DYSF: variants seen among roughly 807,000 people sequenced by gnomAD.
The protein encoded by DYSF is dystrophy-associated fer-1-like 1.
A neutral mutation model predicts 274.9 loss-of-function variants in DYSF; 212 were observed. The observed-to-expected ratio is 0.77, with a 90% CI of 0.69 to 0.86. DYSF has a LOEUF of 0.86. Among genes scored for constraint, DYSF ranks in the 40% least tolerant of loss-of-function variants. The pLI, the probability that DYSF is intolerant of heterozygous loss-of-function variation, is 0.00. For missense variants in DYSF, 2,666 were observed against 2,783.2 expected, an observed-to-expected ratio of 0.96 and a Z score of 0.95; for synonymous variants, 1,091 against 1,078.7, an observed-to-expected ratio of 1.01 and a Z score of -0.22.
intron 36 of DYSF, among the ~76,000 whole-genome samples, chr2:71,603,089 C>A (rs1184136491): frequency 4.6e-5 from 7 of 152,118 alleles, no homozygotes; most frequent in Admixed American, 2.6e-4. Flanking sequence ...GATTAAGTAC[C>A]AGGTGGCACA....
intron 22 of DYSF, among the ~76,000 whole-genome samples, chr2:71,557,103 G>A (rs974267478): frequency 6.6e-6 from 1 of 152,194 alleles, no homozygotes; most frequent in Non-Finnish European, 1.5e-5. Context: ...CCTGAAGCCT[G>A]GCAGGCTCAG....
chr2:71,555,978 A>G lies in DYSF; in HGVS notation c.2123A>G (p.Glu708Gly). The change falls in exon 22 of 56, where the codon GAG (glutamate) becomes GGG (glycine). Residue 708 changes from glutamate to glycine, a missense_variant. Around this residue, in one of 3 missense-constraint regions of DYSF, gnomAD observed 412 missense variants for 504.0 expected, o/e 0.82. Transcript: ENST00000410020. ...CCCATTCCACAGGAAGCTGGCCTGG[A>G]GCAGGTCCACCTGGCCCTGAAGGCG... ...GIADRLEAGL[E>G]QVHLALKAQC... 2 of 1,563,028 alleles carry G rather than the reference A, an allele frequency of 1.3e-6. No homozygotes were observed. Among genetic ancestry groups the G allele is most frequent in the Non-Finnish European group, 1.7e-6 (2 of 1,153,224 alleles).
chr2:71,572,206 ACCC>A (rs1184439226), intron 29 of DYSF, among the ~76,000 whole-genome samples: 4 of 128,620 alleles, frequency 3.1e-5, no homozygotes, highest in African/African-American at 6.6e-5. Context: ...CATCCAGCAC[ACCC>A]AGCACAGATC....
At chr2:71,651,354 C>T (rs2094656390) in intron 42 of DYSF, among the ~76,000 whole-genome samples, 1 of 151,956 alleles carries the variant, frequency 6.6e-6, no homozygotes, top group Admixed American at 6.6e-5. Context: ...AAAACAGGGA[C>T]ATAACAGCAG....
At chr2:71,663,043 G>GTGTGTGTGTGTGTGTGCT (rs1558764086) in intron 45 of DYSF, among the ~76,000 whole-genome samples, 1 of 149,410 alleles carries the variant, frequency 6.7e-6, no homozygotes, top group Non-Finnish European at 1.5e-5. Flanking sequence ...GTGTGTGTGC[G>GTGTGTGTGTGTGTGTGCT]CGCACGCGCG....
rs775855517 is a variant in DYSF at position 71,611,524 on chromosome 2, C to T, written c.4119C>T (p.Pro1373=). The T allele has an allele frequency of 1.9e-6, 3 of 1,614,212 alleles. No homozygotes were observed. The highest frequency in any genetic ancestry group is 2.2e-5 in the South Asian group (2 of 91,090). The part of the protein sequence containing the change: ...KSYQLANISS[P]SLVVECGGQT... ...ACCAGCTGGCCAACATCTCCTCCCCCAGCCTCGTGGTAGAGTGTGGGGGCC... is the reference window on the plus strand; with the variant it reads ...ACCAGCTGGCCAACATCTCCTCCCCTAGCCTCGTGGTAGAGTGTGGGGGCC... The change falls in exon 38 of 56, where the codon CCC becomes CCT. Residue 1373 remains proline (P), a synonymous_variant. Coordinates refer to ENST00000410020, the MANE Select transcript of DYSF (RefSeq NM_001130987.2).
At chr2:71,547,113 C>T (rs907250521) in intron 17 of DYSF, among the ~76,000 whole-genome samples, 3 of 152,350 alleles carry the variant, frequency 2.0e-5, no homozygotes, top group East Asian at 1.9e-4. Context: ...TTTGGCAGAA[C>T]GGTGATGTGG....
chr2:71,532,168 C>T (rs906921314), intron 14 of DYSF, among the ~76,000 whole-genome samples: 1 of 152,048 alleles, frequency 6.6e-6, no homozygotes, highest in African/African-American at 2.4e-5. Flanking sequence ...ATGAGTATAC[C>T]ATAACATTTG....
At chr2:71,657,668 C>T (rs1015038670) in intron 43 of DYSF, among the ~76,000 whole-genome samples, 2 of 152,216 alleles carry the variant, frequency 1.3e-5, no homozygotes, top group African/African-American at 2.4e-5. Flanking sequence ...CTCAATACCA[C>T]GTGGAAGCTG....
intron 41 of DYSF, among the ~76,000 whole-genome samples, chr2:71,638,775 T>A (rs532422021): frequency 1.3e-5 from 2 of 152,214 alleles, no homozygotes; most frequent in Non-Finnish European, 2.9e-5. Context: ...CTGTTATGAA[T>A]AATGCTGCTT....
At chr2:71,668,605 C>T in intron 48 of DYSF, 149 bp from the exon 49 acceptor site, 2 of 730,370 alleles carry the variant, frequency 2.7e-6, no homozygotes, top group South Asian at 1.7e-5. Context: ...GCGGTTGACC[C>T]TGTAGTCCCC....
intron 41 of DYSF, among the ~76,000 whole-genome samples, chr2:71,626,189 G>A (rs1441934763): frequency 6.6e-6 from 1 of 151,556 alleles, no homozygotes; most frequent in East Asian, 1.9e-4. Flanking sequence ...CTATGTACTT[G>A]GTTATAGAGA....
rs183768891 is a variant in DYSF, at chr2:71,552,941, T to A, written c.1807-70T>A. ...TTATGGCCGGGGCCTGCCAGACGTA[T>A]GTCCCCTCCCCAGCCTGGGTGCCTT... On this transcript the variant is annotated intron_variant, in intron 19 of 55. Coordinates refer to ENST00000410020, the MANE Select transcript of DYSF (RefSeq NM_001130987.2). The A allele has an allele frequency of 1.8e-4, 278 of 1,549,752 alleles. No individual in the cohort carries two copies. In the African/African-American group the frequency reaches 3.4e-3, roughly 19 times the overall value.
chr2:71,592,155 C>A (rs2093285088), intron 32 of DYSF, among the ~76,000 whole-genome samples: 2 of 152,038 alleles, frequency 1.3e-5, no homozygotes, highest in Admixed American at 1.3e-4. Context: ...CCAGGGGGGG[C>A]CCAGGCAGAA....
chr2:71,593,287 C>T (rs1002247420), intron 32 of DYSF, among the ~76,000 whole-genome samples: 1 of 152,034 alleles, frequency 6.6e-6, no homozygotes, highest in African/African-American at 2.4e-5. Context: ...CACCCACCAC[C>T]ATGCCCAGCT....
chr2:71,641,750 C>T (rs2094489592), intron 41 of DYSF, among the ~76,000 whole-genome samples: 1 of 151,982 alleles, frequency 6.6e-6, no homozygotes, highest in Admixed American at 6.5e-5. Context: ...TTGGTTTTCT[C>T]TTTGACCCAG....
chr2:71,535,261 T>A lies in DYSF; in HGVS notation c.1450-7T>A. The A allele has an allele frequency of 1.9e-6, 3 of 1,614,030 alleles. No individual in the cohort carries two copies. The highest frequency in any genetic ancestry group is 2.5e-6 in the Non-Finnish European group (3 of 1,179,908). Reference sequence around the variant, plus strand: ...CTTCTCCCAACACGCCTCTATTCCTTCCTCAGTTTCCCTCCATGTGCGAAA... The same window carrying A: ...CTTCTCCCAACACGCCTCTATTCCTACCTCAGTTTCCCTCCATGTGCGAAA... On this transcript the variant is annotated splice_region_variant and splice_polypyrimidine_tract_variant and intron_variant, in intron 15 of 55. Coordinates refer to ENST00000410020, the MANE Select transcript of DYSF (RefSeq NM_001130987.2).
chr2:71,568,331 G>T lies in DYSF; in HGVS notation c.2857G>T (p.Glu953Ter), dbSNP rs1402556079. 1.2e-6 allele frequency: 2 copies of T among 1,614,044 alleles called. No individual in the cohort carries two copies. Among genetic ancestry groups the T allele is most frequent in the Admixed American group, 1.7e-5 (1 of 60,026 alleles). Residue 953 changes from glutamate to a stop codon, truncating the protein, a stop_gained, in exon 26 of 56, where the codon GAG becomes TAG. Transcript: ENST00000410020. LOFTEE classifies it high-confidence loss of function. ...GGCTGGAGATTGGTTCGTGTGTCCG[G>T]AGAAGACGTGAGTCGTGGGCAGGGA... ...TWAGDWFVCP[E>*]KTLLHDMDAG... is the part of the protein sequence containing the mutation.
In DYSF at chr2:71,524,531, G is replaced by A. The variant is rs529488088; in HGVS notation, c.1150-1689G>A. On this transcript the variant is annotated intron_variant, in intron 12 of 55. Coordinates refer to ENST00000410020, the MANE Select transcript of DYSF (RefSeq NM_001130987.2). The stretch of plus-strand genomic sequence containing the variant: ...CTGGGATTGAGGGTTTTGCAGCAAG[G>A]ATCCTGAAGCAGGTTTCTACGTGTC... 7.2e-5 allele frequency among the ~76,000 whole-genome samples: 11 copies of A among 152,322 alleles called. No individual in the cohort carries two copies. The South Asian group carries it at 1.9e-3, about 26-fold the overall frequency.
Sources: gnomAD v4.1 joint callset for allele counts (sites outside exome capture counted in the v4.1 genomes callset) on GRCh38, gnomAD v4.1.1 for gene constraint, gnomAD v4.1.1 regional missense constraint, MANE v1.5 for transcripts, NCBI Gene and HGNC (gene_info 2026-07-23, HGNC 2026-07-21) for gene names.